TEX9: variants seen among roughly 807,000 people sequenced by gnomAD.
The protein encoded by TEX9 is testis expressed 9, also known as testis-expressed protein 9.
A neutral mutation model predicts 59.6 loss-of-function variants in TEX9; 74 were observed. The ratio of observed to expected loss-of-function variants is 1.24; its 90% confidence interval spans 1.03 to 1.51. The LOEUF is 1.51. TEX9 is among the 40% of genes most tolerant of loss of function. The pLI is 0.00. For synonymous variants in TEX9, 186 were observed against 152.2 expected (o/e 1.22, Z -1.64); for missense variants, 522 against 447.8 (o/e 1.17, Z -1.49).
At chr15:56,258,091 A>G (rs1394340690) in intron 1 of TEX9, among the ~76,000 whole-genome samples, 1 of 152,034 alleles carries the variant, frequency 6.6e-6, no homozygotes, top group African/African-American at 2.4e-5. Context: ...CAAAGATCAG[A>G]TGGTTGTAAG....
intron 5 of TEX9, among the ~76,000 whole-genome samples, chr15:56,389,103 C>T (rs1019769188): frequency 2.6e-5 from 4 of 152,004 alleles, no homozygotes; most frequent in African/African-American, 9.7e-5. Flanking sequence ...CTTTAGGACT[C>T]ATTTTCCTTA....
At chr15:56,431,458 T>C in intron 12 of TEX9, 1 of 1,613,662 alleles carries the variant, frequency 6.2e-7, no homozygotes, top group Non-Finnish European at 8.5e-7. Context: ...AATAAATCCT[T>C]GCCGCCTTTG....
intron 1 of TEX9, among the ~76,000 whole-genome samples, chr15:56,272,318 A>G (rs970447901): frequency 1.3e-5 from 2 of 152,074 alleles, no homozygotes; most frequent in East Asian, 3.9e-4. Context: ...AATTTACTTT[A>G]TTTCTCTATG....
intron 1 of TEX9, among the ~76,000 whole-genome samples, chr15:56,328,997 A>C (rs1281407290): frequency 6.6e-6 from 1 of 151,384 alleles, no homozygotes; most frequent in African/African-American, 2.5e-5. Context: ...TATTGGCTTC[A>C]GGTTTGACCC....
rs369655832 is a variant in TEX9 at position 56,327,651 on chromosome 15, CA to C, written c.-106-45789del. 6.9e-4 allele frequency among the ~76,000 whole-genome samples: 105 copies of C among 152,268 alleles called. No individual in the cohort carries two copies. In the South Asian group the frequency reaches 0.021, roughly 31 times the overall value. ...CAACACCACTCCTCCCCCATGCCAT[CA>C]CAGCAGCCTCGTGGTGCAGAAGGAG... On this transcript the variant is annotated intron_variant, in intron 1 of 5. Coordinates refer to the TEX9 transcript ENST00000560827.
chr15:56,256,003 A>G (rs1184572708), intron 1 of TEX9, among the ~76,000 whole-genome samples: 2 of 152,230 alleles, frequency 1.3e-5, no homozygotes, highest in South Asian at 2.1e-4. Flanking sequence ...TACATTTTTT[A>G]TACTGAAATA....
intron 12 of TEX9, among the ~76,000 whole-genome samples, chr15:56,438,714 A>C (rs567679765): frequency 6.6e-6 from 1 of 152,352 alleles, no homozygotes; most frequent in East Asian, 1.9e-4. Flanking sequence ...GCCAACCTAC[A>C]GAATGGGAGA....
chr15:56,309,840 A>T (rs1411160040), intron 1 of TEX9, among the ~76,000 whole-genome samples: 1 of 150,820 alleles, frequency 6.6e-6, no homozygotes, highest in Non-Finnish European at 1.5e-5. Context: ...AGAGAGTGGG[A>T]GGGGAAATAG....
chr15:56,286,954 C>G (rs563717767), intron 1 of TEX9, among the ~76,000 whole-genome samples: 56 of 152,176 alleles, frequency 3.7e-4, no homozygotes, highest in African/African-American at 1.3e-3. Flanking sequence ...TAGTCCCCTT[C>G]CTATAGTCAG....
At chr15:56,389,251 C>T in intron 5 of TEX9, 67 bp from the exon 6 acceptor site, 1 of 1,258,464 alleles carries the variant, frequency 7.9e-7, no homozygotes, top group African/African-American at 1.5e-5. Flanking sequence ...CTATGTGTTA[C>T]AGAATTGCTT....
chr15:56,365,698 C>T (rs1596120963), intron 2 of TEX9, 28 bp downstream of exon 2: 2 of 1,613,570 alleles, frequency 1.2e-6, no homozygotes, highest in East Asian at 4.5e-5. Flanking sequence ...TGAACTTTTC[C>T]TTCTTTCTTT....
intron 1 of TEX9, among the ~76,000 whole-genome samples, chr15:56,319,489 C>T (rs924339630): frequency 3.9e-5 from 6 of 152,072 alleles, no homozygotes; most frequent in Non-Finnish European, 5.9e-5. Flanking sequence ...TTTAATCACA[C>T]ATTATTCTTC....
chr15:56,384,492 G>A (rs765682642), intron 4 of TEX9, among the ~76,000 whole-genome samples: 33 of 152,328 alleles, frequency 2.2e-4, no homozygotes, highest in Non-Finnish European at 3.5e-4. Context: ...CTAGCCTGGT[G>A]TCTGGGTGAC....
At chr15:56,401,653 C>T (rs1226545873) in intron 9 of TEX9, among the ~76,000 whole-genome samples, 1 of 152,198 alleles carries the variant, frequency 6.6e-6, no homozygotes, top group Non-Finnish European at 1.5e-5. Flanking sequence ...TAGACATCTA[C>T]AGAACTCTCC....
At chr15:56,347,954 C>T (rs2725863) in intron 1 of TEX9, among the ~76,000 whole-genome samples, 77,024 of 151,632 alleles carry the variant, frequency 0.51, 19,703 homozygotes, top group Non-Finnish European at 0.55. Flanking sequence ...GGGCAAAAAA[C>T]TTTAAGAGAT....
rs2048200329 is a variant in TEX9 at position 56,391,338 on chromosome 15, T to C, written c.491T>C (p.Ile164Thr). ...TCCCTTGCAAAAACAATTAGCAAAA[T>C]TGAAGGGCAACTGGAGGAAGAAGGC... Residue 164 changes from isoleucine (I) to threonine (T), a missense_variant, in exon 7 of 13, where the codon ATT becomes ACT. Transcript: ENST00000352903. The C allele has an allele frequency of 6.2e-7, 1 of 1,605,658 alleles. No individual in the cohort carries two copies.
At chr15:56,442,828 C>T (rs1321129091) in intron 12 of TEX9, among the ~76,000 whole-genome samples, 1 of 152,014 alleles carries the variant, frequency 6.6e-6, no homozygotes, top group Admixed American at 6.6e-5. Context: ...TACACCAAAT[C>T]CCCATGACCC....
At chr15:56,391,656 G>A (rs1387314122) in intron 7 of TEX9, among the ~76,000 whole-genome samples, 7 of 151,576 alleles carry the variant, frequency 4.6e-5, no homozygotes, top group Non-Finnish European at 5.9e-5. Flanking sequence ...CATTGAACTC[G>A]CCTACTTTTA....
intron 1 of TEX9, among the ~76,000 whole-genome samples, chr15:56,284,292 C>G (rs1041821686): frequency 1.3e-5 from 2 of 152,098 alleles, no homozygotes; most frequent in Non-Finnish European, 1.5e-5. Flanking sequence ...CCACAATGCC[C>G]AGCTTAATTT....
Sources: gnomAD v4.1 joint callset for allele counts (sites outside exome capture counted in the v4.1 genomes callset) on GRCh38, gnomAD v4.1.1 for gene constraint, MANE v1.5 for transcripts, NCBI Gene and HGNC (gene_info 2026-07-23, HGNC 2026-07-21) for gene names.